COL24A1: variants seen among roughly 807,000 people sequenced by gnomAD.
COL24A1 encodes collagen type XXIV alpha 1 chain.
COL24A1 carries 224 observed loss-of-function variants against 253.9 expected under a neutral mutation model. That is an observed-to-expected ratio of 0.88 (90% CI 0.79 to 0.99). The LOEUF is 0.99. COL24A1 is among the 50% of genes least tolerant of loss of function. COL24A1 has a pLI of 0.00. For synonymous variants in COL24A1, 685 were observed against 673.7 expected (o/e 1.02, Z -0.26); for missense variants, 2,131 against 2,068.5 (o/e 1.03, Z -0.59).
intron 7 of COL24A1, 36 bp downstream of exon 7, chr1:86,089,138 G>GAAAAA: frequency 6.6e-7 from 1 of 1,518,956 alleles, no homozygotes; most frequent in Non-Finnish European, 8.9e-7. Flanking sequence ...AAGAAAAAAA[G>GAAAAA]AAGAAAAAAA....
At chr1:85,790,334 T>C (rs1670131631) in intron 47 of COL24A1, among the ~76,000 whole-genome samples, 1 of 152,188 alleles carries the variant, frequency 6.6e-6, no homozygotes, top group Admixed American at 6.5e-5. Flanking sequence ...TACAGTTTAT[T>C]TGCATAGAGG....
intron 37 of COL24A1, among the ~76,000 whole-genome samples, chr1:85,861,983 T>C (rs1242922634): frequency 2.6e-5 from 4 of 152,196 alleles, no homozygotes; most frequent in South Asian, 2.1e-4. Context: ...AGTTCTTTGC[T>C]TGATGGGTTC....
At chr1:86,110,907 G>A (rs1186417460) in intron 5 of COL24A1, among the ~76,000 whole-genome samples, 6 of 151,798 alleles carry the variant, frequency 4.0e-5, no homozygotes, top group East Asian at 3.9e-4. Flanking sequence ...TGGTCCCATC[G>A]ACTGCCCAAG....
chr1:85,909,846 A>G, intron 26 of COL24A1, 104 bp downstream of exon 26: 1 of 924,248 alleles, frequency 1.1e-6, no homozygotes, highest in Non-Finnish European at 1.7e-6. Flanking sequence ...GAAATTTAAC[A>G]TTTTTTACTC....
chr1:85,886,871 A>G (rs1682573241), intron 32 of COL24A1, among the ~76,000 whole-genome samples: 1 of 152,168 alleles, frequency 6.6e-6, no homozygotes, highest in Admixed American at 6.5e-5. Context: ...TTACATTTGT[A>G]AGTGAAATTC....
chr1:85,735,608 T>TTGAA (rs200903935), intron 58 of COL24A1, among the ~76,000 whole-genome samples: 1 of 151,988 alleles, frequency 6.6e-6, no homozygotes, highest in African/African-American at 2.4e-5. Context: ...TAAATATTTA[T>TTGAA]TGAATGAATG....
intron 19 of COL24A1, among the ~76,000 whole-genome samples, chr1:86,007,389 C>T (rs1442313612): frequency 6.6e-6 from 1 of 152,170 alleles, no homozygotes; most frequent in Non-Finnish European, 1.5e-5. Flanking sequence ...CAAAATGGCA[C>T]AGCCACTTTG....
At position 85,902,473 on chromosome 1, in the gene COL24A1, C is replaced by T. The variant is rs1684412875; in HGVS notation, c.2778+4721G>A. Among the ~76,000 whole-genome samples the T allele has an allele frequency of 2.0e-5, 3 of 152,324 alleles. No homozygotes were observed. The South Asian group carries it at 6.2e-4, about 32-fold the overall frequency. On this transcript the variant is annotated intron_variant, in intron 28 of 59. Coordinates refer to ENST00000370571, the MANE Select transcript of COL24A1 (RefSeq NM_152890.7). ...CTGTCACTTTTTCTCAAATGTATCACTCTTTGTCTAAGAAGTATAAAAGCA... is the reference window on the plus strand; with the variant it reads ...CTGTCACTTTTTCTCAAATGTATCATTCTTTGTCTAAGAAGTATAAAAGCA...
At position 86,015,870 on chromosome 1, in the gene COL24A1, G is replaced by T. The variant is rs1426761933; in HGVS notation, c.2310+1281C>A. ...AAACTAGCTACAATGAAGTTTTGAAGACTCTACTTTTTCTTTTTTTTTTTT... is the reference window on the plus strand; with the variant it reads ...AAACTAGCTACAATGAAGTTTTGAATACTCTACTTTTTCTTTTTTTTTTTT... On this transcript the variant is annotated intron_variant, in intron 19 of 59. Coordinates refer to ENST00000370571, the MANE Select transcript of COL24A1 (RefSeq NM_152890.7). Among the ~76,000 whole-genome samples, 5 of 146,752 alleles carry T rather than the reference G, an allele frequency of 3.4e-5. No individual in the cohort carries two copies. In the East Asian group the frequency reaches 9.9e-4, roughly 29 times the overall value.
Position 85,925,211 on chromosome 1 carries a change from C to T in COL24A1, c.2563-13778G>A, listed in dbSNP as rs1490275255. On this transcript the variant is annotated intron_variant, in intron 24 of 59. Coordinates refer to ENST00000370571, the MANE Select transcript of COL24A1 (RefSeq NM_152890.7). Reference sequence around the variant, plus strand: ...TGGAAGAACATTCCATGCTCATGGACAGGAAGAATCAATATCATGGTAATG... The same window carrying T: ...TGGAAGAACATTCCATGCTCATGGATAGGAAGAATCAATATCATGGTAATG... 4.6e-5 allele frequency among the ~76,000 whole-genome samples: 7 copies of T among 152,152 alleles called. No homozygotes were observed. The East Asian group carries it at 7.7e-4, about 17-fold the overall frequency.
At chr1:86,075,103 C>T (rs1050631390) in intron 7 of COL24A1, among the ~76,000 whole-genome samples, 1 of 151,874 alleles carries the variant, frequency 6.6e-6, no homozygotes, top group African/African-American at 2.4e-5. Flanking sequence ...AATCTAGGAG[C>T]TGGTTTCTAA....
intron 5 of COL24A1, among the ~76,000 whole-genome samples, chr1:86,104,220 CTA>C (rs1704732266): frequency 6.6e-6 from 1 of 152,010 alleles, no homozygotes; most frequent in Non-Finnish European, 1.5e-5. Flanking sequence ...TTTTTCAGCT[CTA>C]TGAGATCAGT....
At chr1:86,069,374 G>T (rs919399702) in intron 7 of COL24A1, among the ~76,000 whole-genome samples, 8 of 152,096 alleles carry the variant, frequency 5.3e-5, no homozygotes, top group African/African-American at 1.9e-4. Flanking sequence ...CATCTGCCTG[G>T]GGAAATTGCT....
At chr1:85,868,141 T>C (rs780609651) in intron 37 of COL24A1, among the ~76,000 whole-genome samples, 12 of 152,216 alleles carry the variant, frequency 7.9e-5, no homozygotes, top group Non-Finnish European at 1.3e-4. Flanking sequence ...GGATCAGATC[T>C]GATAGCTCAT....
chr1:86,080,283 T>G (rs1328568186), intron 7 of COL24A1, among the ~76,000 whole-genome samples: 1 of 151,934 alleles, frequency 6.6e-6, no homozygotes, highest in Non-Finnish European at 1.5e-5. Context: ...GGGAGGGGAA[T>G]AGGAGATCAG....
intron 55 of COL24A1, among the ~76,000 whole-genome samples, chr1:85,746,065 T>C (rs1665174767): frequency 6.6e-6 from 1 of 152,172 alleles, no homozygotes; most frequent in Admixed American, 6.5e-5. Context: ...TAAAATATAT[T>C]TTTAGAAAAA....
rs377541504 is a variant in COL24A1, at chr1:85,863,053, T to C, written c.3300+5466A>G. Among the ~76,000 whole-genome samples, 9 of 152,256 alleles carry C rather than the reference T, an allele frequency of 5.9e-5. No homozygotes were observed. In the East Asian group the frequency reaches 7.7e-4, roughly 13 times the overall value. On this transcript the variant is annotated intron_variant, in intron 37 of 59. Coordinates refer to ENST00000370571, the MANE Select transcript of COL24A1 (RefSeq NM_152890.7). ...TCACATCCCTTGTAAGTTGGATTTC[T>C]AGATATTTGATTATCTTTGAAGCAA...
chr1:86,089,174 C>T lies in COL24A1; in HGVS notation c.1707G>A (p.Lys569=), dbSNP rs577440249. 1.8e-5 allele frequency: 28 copies of T among 1,574,992 alleles called. No homozygotes were observed. In the African/African-American group the frequency reaches 3.5e-4, roughly 20 times the overall value. ...LMGPPGMQGD[K]GLKGHPGLPG... is the part of the protein sequence containing the mutation. ...GAAAAGAAGTAAAATTCCAACTTAC[C>T]TTATCACCTTGCATACCAGGGGGGC... Residue 569 remains lysine, a splice_region_variant and synonymous_variant, in exon 7 of 60, where the codon AAG becomes AAA. Coordinates refer to ENST00000370571, the MANE Select transcript of COL24A1 (RefSeq NM_152890.7).
chr1:86,060,426 G>A (rs1381520599), intron 8 of COL24A1, among the ~76,000 whole-genome samples: 1 of 152,018 alleles, frequency 6.6e-6, no homozygotes, highest in Non-Finnish European at 1.5e-5. Context: ...TTGTCCTTCT[G>A]CTCTGAAGTA....
Sources: allele counts gnomAD v4.1 joint callset (sites outside exome capture counted in the v4.1 genomes callset), GRCh38; gene constraint gnomAD v4.1.1; transcripts MANE v1.5; gene names NCBI Gene and HGNC (gene_info 2026-07-23, HGNC 2026-07-21).